Variants in APOL6 observed in about 807,000 individuals in gnomAD.
APOL6 encodes the protein apolipoprotein L, 6.
In APOL6, 1 loss-of-function variant was observed where a neutral mutation model predicts 2.4. The observed-to-expected ratio is 0.41, with a 90% CI of 0.15 to 1.94. APOL6 has a LOEUF of 1.94. Among genes scored for constraint, APOL6 ranks in the 30% most tolerant of loss-of-function variants. The probability of loss-of-function intolerance (pLI) is 0.30; values close to 1 mark genes in which losing one functional copy is unlikely to be tolerated. For synonymous variants in APOL6, 189 were observed against 169.3 expected (o/e 1.12, Z -0.90); for missense variants, 438 against 429.2 (o/e 1.02, Z -0.18).
rs1181208514 is a variant in APOL6, at chr22:35,663,236, G to A, written c.*3640G>A. 1.3e-5 allele frequency: 2 copies of A among 152,132 alleles called. No individual in the cohort carries two copies. The highest frequency in any genetic ancestry group is 3.8e-4 in the East Asian group (2 of 5,196). The allele number at this position is 152,132 out of a possible 1,614,324, so 9.4% of individuals were successfully genotyped here. ...TTTTTAAATTTTAATTACTATAGGG[G>A]CTTTATTTACATAACACAGCCAGCT... On this transcript the variant is annotated 3_prime_UTR_variant, in exon 3 of 3. Coordinates refer to ENST00000409652, the MANE Select transcript of APOL6 (RefSeq NM_030641.4).
At chr22:35,650,743 A>C (rs5999917) in intron 1 of APOL6, among the ~76,000 whole-genome samples, 35 of 152,166 alleles carry the variant, frequency 2.3e-4, no homozygotes, top group African/African-American at 8.4e-4. Flanking sequence ...CAGCCTGGCC[A>C]ACCTTGTGAA....
chr22:35,665,079 T>A lies in APOL6; in HGVS notation c.*5483T>A, dbSNP rs190632418. ...TCCAAGCATGTCATGAACATTGGTGTAAGTCATGATAAGATTTTATATATA... is the reference window on the plus strand; with the variant it reads ...TCCAAGCATGTCATGAACATTGGTGAAAGTCATGATAAGATTTTATATATA... On this transcript the variant is annotated 3_prime_UTR_variant, in exon 3 of 3. Transcript: ENST00000409652. 1 of 151,710 alleles carries A rather than the reference T, an allele frequency of 6.6e-6. No individual in the cohort carries two copies. Among genetic ancestry groups the A allele is most frequent in the Non-Finnish European group, 1.5e-5 (1 of 67,968 alleles). The allele number at this position is 151,710 out of a possible 1,614,324, so 9.4% of individuals were successfully genotyped here. A position where few individuals can be genotyped will look rare whatever the true frequency, so the allele number is the denominator to read the frequency against.
chr22:35,665,453 T>TA lies in APOL6; in HGVS notation c.*5859dup, dbSNP rs1027457246. 1.3e-5 allele frequency: 2 copies of TA among 152,134 alleles called. No homozygotes were observed. The highest frequency in any genetic ancestry group is 4.8e-5 in the African/African-American group (2 of 41,420). The allele number at this position is 152,134 out of a possible 1,614,324, so 9.4% of individuals were successfully genotyped here. On this transcript the variant is annotated 3_prime_UTR_variant, in exon 3 of 3. Coordinates refer to ENST00000409652, the MANE Select transcript of APOL6 (RefSeq NM_030641.4). ...GACTATTGCGGAAGAGGTGGGCGCG[T>TA]AAGATTGTAAGGGCCGATTTTGAAA...
chr22:35,654,456 A>C (rs1924787032), intron 1 of APOL6, among the ~76,000 whole-genome samples: 1 of 151,698 alleles, frequency 6.6e-6, no homozygotes, highest in Non-Finnish European at 1.5e-5. Flanking sequence ...TTTCACCTTT[A>C]CTGCTCTCAT....
At chr22:35,655,088 C>T (rs1188063841) in intron 1 of APOL6, among the ~76,000 whole-genome samples, 3 of 152,164 alleles carry the variant, frequency 2.0e-5, no homozygotes, top group Admixed American at 6.5e-5. Context: ...TTCATCTTGT[C>T]CCTTCTCTAA....
rs2145960526 is a variant in APOL6 at position 35,661,703 on chromosome 22, A to C, written c.*2107A>C. 1 of 152,362 alleles carries C rather than the reference A, an allele frequency of 6.6e-6. No individual in the cohort carries two copies. Among genetic ancestry groups the C allele is most frequent in the African/African-American group, 2.4e-5 (1 of 41,582 alleles). 9.4% of individuals were successfully genotyped at this position (152,362 alleles called of 1,614,324 possible). ...ATTGGCTCTCCTGTACAGGGCACTT[A>C]CTACGAATGGAGCTTGCAGGGCTGA... On this transcript the variant is annotated 3_prime_UTR_variant, in exon 3 of 3. Transcript: ENST00000409652.
Position 35,660,863 on chromosome 22 carries a change from G to A in APOL6, c.*1267G>A, listed in dbSNP as rs1259651079. The stretch of plus-strand genomic sequence containing the variant: ...ACTTCTTTATACTATTGGAGGGGTA[G>A]AAGGAACTTCCTTTCTAGACCTTGA... On this transcript the variant is annotated 3_prime_UTR_variant, in exon 3 of 3. Transcript: ENST00000409652. The A allele has an allele frequency of 6.6e-6, 1 of 152,252 alleles. No homozygotes were observed. Among genetic ancestry groups the A allele is most frequent in the Non-Finnish European group, 1.5e-5 (1 of 68,050 alleles). The allele number at this position is 152,252 out of a possible 1,614,324, so 9.4% of individuals were successfully genotyped here.
At chr22:35,649,624 AC>A (rs1301880428) in intron 1 of APOL6, among the ~76,000 whole-genome samples, 1 of 151,718 alleles carries the variant, frequency 6.6e-6, no homozygotes, top group African/African-American at 2.4e-5. Context: ...CTTCCAATAA[AC>A]CTCTCACAAG....
rs1924951884 is a variant in APOL6, at chr22:35,659,356, G to A, written c.792G>A (p.Arg264=). Residue 264 remains arginine (R), a synonymous_variant, in exon 3 of 3, where the codon AGG becomes AGA. Coordinates refer to ENST00000409652, the MANE Select transcript of APOL6 (RefSeq NM_030641.4). ...KEWKHLKEGA[R]TKFAEELRAK... ...GGAAGCACCTGAAGGAAGGAGCAAG[G>A]ACAAAGTTTGCGGAAGAGTTGAGAG... The A allele has an allele frequency of 6.2e-7, 1 of 1,614,034 alleles. No homozygotes were observed. The highest frequency in any genetic ancestry group is 8.5e-7 in the Non-Finnish European group (1 of 1,179,962).
rs67523644 is a variant in APOL6 at position 35,654,540 on chromosome 22, C to CTA, written c.-47-1825_-47-1824dup. ...ATAAGAACTCTCTCTCTCTCTCTCT[C>CTA]TATATATATATATATGTATATATAC... On this transcript the variant is annotated intron_variant, in intron 1 of 2. Transcript: ENST00000409652. Among the ~76,000 whole-genome samples, 114 of 146,744 alleles carry CTA rather than the reference C, an allele frequency of 7.8e-4. 1 individual carries two copies. Among genetic ancestry groups the CTA allele is most frequent in the Admixed American group, 2.5e-3 (36 of 14,472 alleles).
At chr22:35,658,571 C>T (rs748160523) in intron 2 of APOL6, 44 bp from the exon 3 acceptor site, 1 of 1,523,132 alleles carries the variant, frequency 6.6e-7, no homozygotes, top group Non-Finnish European at 8.9e-7. Context: ...TGGGTTTTCC[C>T]ATCTGGGAAG....
chr22:35,659,433 A>G lies in APOL6; in HGVS notation c.869A>G (p.Lys290Arg). Residue 290 changes from lysine to arginine, a missense_variant, in exon 3 of 3, where the codon AAG becomes AGG. Transcript: ENST00000409652. ...CTCACAGAACTCACCCAGCTCTACA[A>G]GAGCTTGCAGCAGAAAGTGAGGTCA... ...RKLTELTQLY[K>R]SLQQKVRSRA... The G allele has an allele frequency of 6.2e-7, 1 of 1,614,046 alleles. No homozygotes were observed. The highest frequency in any genetic ancestry group is 8.5e-7 in the Non-Finnish European group (1 of 1,180,008).
rs1601869742 is a variant in APOL6 at position 35,661,661 on chromosome 22, T to C, written c.*2065T>C. On this transcript the variant is annotated 3_prime_UTR_variant, in exon 3 of 3. Coordinates refer to ENST00000409652, the MANE Select transcript of APOL6 (RefSeq NM_030641.4). Reference sequence around the variant, plus strand: ...ACAGAGAAAAAGGAAAGTAAAAATATGGCATAAAAGATAAGAATTGGCTCT... The same window carrying C: ...ACAGAGAAAAAGGAAAGTAAAAATACGGCATAAAAGATAAGAATTGGCTCT... The C allele has an allele frequency of 6.6e-6, 1 of 152,282 alleles. No individual in the cohort carries two copies. The highest frequency in any genetic ancestry group is 1.9e-4 in the East Asian group (1 of 5,174). The allele number at this position is 152,282 out of a possible 1,614,324, so 9.4% of individuals were successfully genotyped here.
Position 35,658,927 on chromosome 22 carries a change from G to A in APOL6, c.363G>A (p.Gly121=), listed in dbSNP as rs1160510299. ...GTCAAGGTTTGGCAACAGCAGCTGG[G>A]GTCACCAGCATCGTGAGTGGTACGT... ...TAGQGLATAA[G]VTSIVSGTLE... The change falls in exon 3 of 3, where the codon GGG becomes GGA. Residue 121 remains glycine (G), a synonymous_variant. Coordinates refer to ENST00000409652, the MANE Select transcript of APOL6 (RefSeq NM_030641.4). 1 of 1,613,932 alleles carries A rather than the reference G, an allele frequency of 6.2e-7. No homozygotes were observed. The highest frequency in any genetic ancestry group is 8.5e-7 in the Non-Finnish European group (1 of 1,180,022).
intron 1 of APOL6, among the ~76,000 whole-genome samples, chr22:35,651,109 G>T (rs939739087): frequency 6.6e-6 from 1 of 152,230 alleles, no homozygotes; most frequent in East Asian, 1.9e-4. Context: ...GCTGGACCAA[G>T]TACCAAATGT....
rs777040698 is a variant in APOL6, at chr22:35,659,316, C to T, written c.752C>T (p.Thr251Ile). 6.2e-7 allele frequency: 1 copy of T among 1,613,994 alleles called. No individual in the cohort carries two copies. The highest frequency in any genetic ancestry group is 1.3e-5 in the African/African-American group (1 of 74,928). ...SAFSLGYDLATLSKEWKHLKE... is the reference protein window; with the variant it reads ...SAFSLGYDLAILSKEWKHLKE... ...TTCTCCCTTGGCTATGACTTGGCCA[C>T]TCTCTCAAAGGAATGGAAGCACCTG... Residue 251 changes from threonine (T) to isoleucine (I), a missense_variant, in exon 3 of 3, where the codon ACT becomes ATT. Coordinates refer to ENST00000409652, the MANE Select transcript of APOL6 (RefSeq NM_030641.4).
In APOL6 at chr22:35,654,976, G is replaced by T. The variant is rs147888696; in HGVS notation, c.-47-1403G>T. On this transcript the variant is annotated intron_variant, in intron 1 of 2. Coordinates refer to ENST00000409652, the MANE Select transcript of APOL6 (RefSeq NM_030641.4). ...AGGCCTGGAGATGGTACCAGAGGAA[G>T]CTGCGTAACAAAACTTACTGACTAG... Among the ~76,000 whole-genome samples the T allele has an allele frequency of 9.2e-5, 14 of 152,270 alleles. No homozygotes were observed. In the East Asian group the frequency reaches 2.5e-3, roughly 27 times the overall value.
chr22:35,654,798 A>G (rs986404599), intron 1 of APOL6, among the ~76,000 whole-genome samples: 3 of 152,060 alleles, frequency 2.0e-5, no homozygotes, highest in Non-Finnish European at 2.9e-5. Context: ...CCTCTTTGGC[A>G]TAGGGATTAT....
In APOL6 at chr22:35,658,829, G is replaced by A; in HGVS notation, c.265G>A (p.Gly89Arg). The change falls in exon 3 of 3, where the codon GGA becomes AGA. Residue 89 changes from glycine (G) to arginine (R), a missense_variant. Transcript: ENST00000409652. ...GGCCACCTCTACTGCTGTCATCTCT[G>A]GAGTGATGAGCCTCCTGGGTTTAGC... ...MVATSTAVIS[G>R]VMSLLGLALA... The A allele has an allele frequency of 6.2e-7, 1 of 1,614,158 alleles. No individual in the cohort carries two copies. The highest frequency in any genetic ancestry group is 1.1e-5 in the South Asian group (1 of 91,078).
Sources: gnomAD v4.1 joint callset for allele counts (sites outside exome capture counted in the v4.1 genomes callset) on GRCh38, gnomAD v4.1.1 for gene constraint, MANE v1.5 for transcripts, NCBI Gene and HGNC (gene_info 2026-07-23, HGNC 2026-07-21) for gene names.